The following SAMD4A variants were observed in gnomAD, a reference collection of about 807,000 sequenced individuals.
SAMD4A encodes the protein protein Smaug homolog 1.
A neutral mutation model predicts 81.3 loss-of-function variants in SAMD4A; 33 were observed. That is an observed-to-expected ratio of 0.41 (90% confidence interval 0.31 to 0.54). The LOEUF (loss-of-function observed/expected upper bound fraction) is 0.54, where lower values mean the gene tolerates loss of function less well. Among genes scored for constraint, SAMD4A ranks in the 20% least tolerant of loss-of-function variants. The probability of loss-of-function intolerance (pLI) is 0.37; values close to 1 mark genes in which losing one functional copy is unlikely to be tolerated. For synonymous variants in SAMD4A, 389 were observed against 382.1 expected (o/e 1.02, Z -0.21); for missense variants, 854 against 951.1 (o/e 0.90, Z 1.34).
chr14:54,705,994 C>T (rs1402760255), intron 3 of SAMD4A, among the ~76,000 whole-genome samples: 1 of 152,122 alleles, frequency 6.6e-6, no homozygotes, highest in Non-Finnish European at 1.5e-5. Flanking sequence ...TGAATGTAGG[C>T]CTATCCTGTA....
At chr14:54,663,569 T>C (rs761086250) in intron 2 of SAMD4A, among the ~76,000 whole-genome samples, 1 of 152,226 alleles carries the variant, frequency 6.6e-6, no homozygotes, top group Non-Finnish European at 1.5e-5. Context: ...TTTGTAGCAT[T>C]GTACTGCACC....
chr14:54,776,656 T>A (rs1287054619), intron 11 of SAMD4A, 116 bp downstream of exon 11: 5 of 1,222,860 alleles, frequency 4.1e-6, no homozygotes, highest in Non-Finnish European at 5.4e-6. Context: ...CTTTGGAGCT[T>A]ATAGAAGCCT....
intron 2 of SAMD4A, among the ~76,000 whole-genome samples, chr14:54,697,976 G>A (rs999352203): frequency 1.3e-5 from 2 of 152,278 alleles, no homozygotes. Flanking sequence ...GTGAGTACTC[G>A]GAGACAGCAA....
At chr14:54,738,409 T>G (rs2037753660) in intron 4 of SAMD4A, among the ~76,000 whole-genome samples, 1 of 152,190 alleles carries the variant, frequency 6.6e-6, no homozygotes, top group African/African-American at 2.4e-5. Flanking sequence ...CCCTGGCACA[T>G]TCCTTGAATC....
At chr14:54,678,500 TGTGTGTGTGTGTGTGTAG>T (rs2036045902) in intron 2 of SAMD4A, among the ~76,000 whole-genome samples, 2 of 113,298 alleles carry the variant, frequency 1.8e-5, no homozygotes, top group African/African-American at 7.9e-5. Flanking sequence ...TGTGTGTGTG[TGTGTGTGTGTGTGTGTAG>T]GTCAGGTGGG....
At chr14:54,760,887 A>G (rs927492599) in intron 7 of SAMD4A, among the ~76,000 whole-genome samples, 2 of 152,198 alleles carry the variant, frequency 1.3e-5, no homozygotes. Context: ...AGCGGCAGAA[A>G]ATGAGTGACA....
chr14:54,575,952 C>T (rs1313559767), intron 2 of SAMD4A, among the ~76,000 whole-genome samples: 1 of 148,476 alleles, frequency 6.7e-6, no homozygotes, highest in African/African-American at 2.5e-5. Context: ...CTCTAGCGAT[C>T]AGTGTCTTAT....
chr14:54,615,900 A>T (rs967910706), intron 2 of SAMD4A, among the ~76,000 whole-genome samples: 1 of 150,600 alleles, frequency 6.6e-6, no homozygotes, highest in African/African-American at 2.4e-5. Context: ...CCCCCGATAG[A>T]AGACAGATTT....
At chr14:54,699,803 ACCCCAGGG>A (rs1296515874) in intron 2 of SAMD4A, among the ~76,000 whole-genome samples, 1 of 152,150 alleles carries the variant, frequency 6.6e-6, no homozygotes, top group Non-Finnish European at 1.5e-5. Context: ...TAACATTCAG[ACCCCAGGG>A]CAGAGATTCT....
intron 5 of SAMD4A, 99 bp from the exon 6 acceptor site, chr14:54,751,352 A>C (rs2038097311): frequency 5.4e-6 from 4 of 739,862 alleles, no homozygotes; most frequent in Non-Finnish European, 9.2e-6. Context: ...AACATATAGG[A>C]GCAAAGAAGA....
At chr14:54,648,785 T>A (rs1182117307) in intron 2 of SAMD4A, among the ~76,000 whole-genome samples, 1 of 152,086 alleles carries the variant, frequency 6.6e-6, no homozygotes, top group African/African-American at 2.4e-5. Context: ...AGAAGGAGAA[T>A]GAAGGCGCTT....
rs144708364 is a variant in SAMD4A, at chr14:54,572,462, A to G, written c.196+4350A>G. On this transcript the variant is annotated intron_variant, in intron 2 of 12. Coordinates refer to ENST00000554335, the MANE Select transcript of SAMD4A (RefSeq NM_015589.6). The stretch of plus-strand genomic sequence containing the variant: ...GGGCCTACATGCATGATCCTCTGAG[A>G]GGCATGAGTGGAAGAGCCAGTTTAG... 5.3e-3 allele frequency among the ~76,000 whole-genome samples: 806 copies of G among 152,344 alleles called. 7 individuals are homozygous for G. Among genetic ancestry groups the G allele is most frequent in the Middle Eastern group, 0.014 (4 of 292 alleles).
intron 3 of SAMD4A, among the ~76,000 whole-genome samples, chr14:54,711,844 C>A (rs2036997219): frequency 6.6e-6 from 1 of 151,976 alleles, no homozygotes; most frequent in Non-Finnish European, 1.5e-5. Context: ...CCTTAGGAGC[C>A]CCTGATCTGC....
intron 4 of SAMD4A, among the ~76,000 whole-genome samples, chr14:54,742,810 C>T (rs6572970): frequency 0.71 from 107,931 of 152,114 alleles, 38,518 homozygotes; most frequent in Non-Finnish European, 0.75. Flanking sequence ...AAAGAAACAA[C>T]TGGCCCCAGG....
chr14:54,771,990 TGATTA>T (rs2038718970), intron 9 of SAMD4A, among the ~76,000 whole-genome samples: 1 of 152,234 alleles, frequency 6.6e-6, no homozygotes, highest in Non-Finnish European at 1.5e-5. Context: ...CCCTTTTAAT[TGATTA>T]GATAAGAATG....
At chr14:54,754,133 C>A (rs767744067) in intron 6 of SAMD4A, among the ~76,000 whole-genome samples, 5 of 152,194 alleles carry the variant, frequency 3.3e-5, no homozygotes, top group Non-Finnish European at 5.9e-5. Context: ...TCCCTGCAGC[C>A]TGGCAGAAGT....
intron 2 of SAMD4A, among the ~76,000 whole-genome samples, chr14:54,584,869 T>TC (rs1357022066): frequency 6.6e-6 from 1 of 152,174 alleles, no homozygotes; most frequent in Non-Finnish European, 1.5e-5. Context: ...TATCAAATTG[T>TC]CCAAATCAGG....
chr14:54,578,028 A>G (rs776686216), intron 2 of SAMD4A, among the ~76,000 whole-genome samples: 1 of 152,210 alleles, frequency 6.6e-6, no homozygotes, highest in African/African-American at 2.4e-5. Flanking sequence ...CAAGCAGAAT[A>G]ATCCTTTCGA....
Position 54,789,004 on chromosome 14 carries a change from C to CGCCA in SAMD4A, c.*61_*64dup. On this transcript the variant is annotated 3_prime_UTR_variant, in exon 13 of 13. Transcript: ENST00000554335. The stretch of plus-strand genomic sequence containing the variant: ...AATCGACTGCTGCGGGTCCAGTGTC[C>CGCCA]GCCATCTTCAGGGTTGCACAGAATC... 3 of 1,575,016 alleles carry CGCCA rather than the reference C, an allele frequency of 1.9e-6. No individual in the cohort carries two copies. Among genetic ancestry groups the CGCCA allele is most frequent in the Non-Finnish European group, 1.7e-6 (2 of 1,144,498 alleles).
Sources: allele counts gnomAD v4.1 joint callset (sites outside exome capture counted in the v4.1 genomes callset), GRCh38; gene constraint gnomAD v4.1.1; transcripts MANE v1.5; gene names NCBI Gene and HGNC (gene_info 2026-07-23, HGNC 2026-07-21).